Variants in ZNF385D observed in about 807,000 individuals in gnomAD.
ZNF385D encodes the protein zinc finger protein 385D.
ZNF385D carries 15 observed loss-of-function variants against 35.8 expected under a neutral mutation model. The ratio of observed to expected loss-of-function variants is 0.42; its 90% CI spans 0.28 to 0.64. ZNF385D has a LOEUF of 0.64. Ranked by LOEUF, ZNF385D falls within the 30% of genes least tolerant of loss-of-function variation. The probability of loss-of-function intolerance (pLI) is 0.23; values close to 1 mark genes in which losing one functional copy is unlikely to be tolerated. For missense variants in ZNF385D, 474 were observed against 494.6 expected (o/e 0.96, Z 0.39); for synonymous variants, 212 against 186.8 (o/e 1.13, Z -1.10).
At chr3:21,461,585 T>A (rs1254603898) in intron 4 of ZNF385D, among the ~76,000 whole-genome samples, 1 of 150,926 alleles carries the variant, frequency 6.6e-6, no homozygotes, top group African/African-American at 2.5e-5. Context: ...AATCTCCTCT[T>A]TGAAATTGTT....
intron 3 of ZNF385D, among the ~76,000 whole-genome samples, chr3:22,141,369 A>G (rs749080910): frequency 3.9e-5 from 6 of 152,226 alleles, no homozygotes; most frequent in African/African-American, 7.2e-5. Context: ...ACAAAAATAC[A>G]TAACTTCATT....
chr3:21,893,382 A>T (rs1698978800), intron 3 of ZNF385D, among the ~76,000 whole-genome samples: 1 of 152,220 alleles, frequency 6.6e-6, no homozygotes, highest in Non-Finnish European at 1.5e-5. Context: ...TGCCTTGCAC[A>T]GACAGCTTAT....
At chr3:21,702,442 G>T (rs1298405497) in intron 1 of ZNF385D, among the ~76,000 whole-genome samples, 1 of 152,190 alleles carries the variant, frequency 6.6e-6, no homozygotes, top group Non-Finnish European at 1.5e-5. Flanking sequence ...TTCCTCCTGG[G>T]CCTCCAGGCC....
intron 3 of ZNF385D, among the ~76,000 whole-genome samples, chr3:21,831,748 C>T (rs1695004058): frequency 1.3e-5 from 2 of 152,132 alleles, no homozygotes; most frequent in South Asian, 2.1e-4. Flanking sequence ...CTTCAAAAGC[C>T]ACAGTTGACT....
chr3:21,741,125 C>T (rs546636856), intron 1 of ZNF385D, among the ~76,000 whole-genome samples: 14 of 152,182 alleles, frequency 9.2e-5, no homozygotes, highest in African/African-American at 2.2e-4. Flanking sequence ...TATCACCTAT[C>T]GGCATCAGGG....
At chr3:21,615,667 T>C (rs2064824945) in intron 2 of ZNF385D, among the ~76,000 whole-genome samples, 1 of 152,178 alleles carries the variant, frequency 6.6e-6, no homozygotes, top group Admixed American at 6.5e-5. Flanking sequence ...TCAGTTGTCC[T>C]TTGCTTTATT....
At chr3:22,038,264 G>T (rs1252247543) in intron 3 of ZNF385D, among the ~76,000 whole-genome samples, 2 of 152,174 alleles carry the variant, frequency 1.3e-5, no homozygotes, top group Non-Finnish European at 2.9e-5. Flanking sequence ...ATGTGGTAGA[G>T]ATGGGCTCTT....
At chr3:22,331,672 T>C (rs1694941909) in intron 2 of ZNF385D, among the ~76,000 whole-genome samples, 2 of 152,134 alleles carry the variant, frequency 1.3e-5, no homozygotes, top group Non-Finnish European at 2.9e-5. Context: ...CAGTTAGAAA[T>C]AAGGACTAAA....
intron 3 of ZNF385D, among the ~76,000 whole-genome samples, chr3:21,806,407 G>A (rs1388682937): frequency 6.6e-6 from 1 of 151,960 alleles, no homozygotes; most frequent in East Asian, 1.9e-4. Context: ...GGGTTTCACC[G>A]TGTGAGCCAG....
At chr3:22,229,660 T>C (rs1046663313) in intron 2 of ZNF385D, among the ~76,000 whole-genome samples, 12 of 152,192 alleles carry the variant, frequency 7.9e-5, no homozygotes, top group African/African-American at 2.9e-4. Context: ...CTCAAGCCAC[T>C]CTTGGTCAAA....
At chr3:22,330,764 T>G (rs190946675) in intron 2 of ZNF385D, among the ~76,000 whole-genome samples, 212 of 152,312 alleles carry the variant, frequency 1.4e-3, no homozygotes, top group African/African-American at 4.8e-3. Context: ...GTTGAATGAA[T>G]TATTGAATAA....
chr3:21,525,395 T>C lies in ZNF385D; in HGVS notation c.277-14372A>G, dbSNP rs189387124. 3.3e-3 allele frequency among the ~76,000 whole-genome samples: 497 copies of C among 152,242 alleles called. 1 individual carries two copies. Among genetic ancestry groups the C allele is most frequent in the Non-Finnish European group, 5.5e-3 (377 of 67,992 alleles). On this transcript the variant is annotated intron_variant, in intron 3 of 7. Transcript: ENST00000281523. The stretch of plus-strand genomic sequence containing the variant: ...AAAAGTTTTCTCTAAGTAAGAATTA[T>C]TAAAATTTTGGGCCGGGCATGGTGG...
Position 21,750,549 on chromosome 3 carries a change from T to G in ZNF385D, c.22+346A>C, listed in dbSNP as rs148256154. 1.5e-3 allele frequency among the ~76,000 whole-genome samples: 226 copies of G among 152,274 alleles called. 1 individual carries two copies. Among genetic ancestry groups the G allele is most frequent in the African/African-American group, 4.8e-3 (198 of 41,544 alleles). On this transcript the variant is annotated intron_variant, in intron 1 of 7. Transcript: ENST00000281523. ...ATTGTATAGAAACTTTGTTTCACAT[T>G]CCATTAAGTTAGCTCATGACTTCCC...
At chr3:22,077,624 T>C (rs1037224344) in intron 3 of ZNF385D, among the ~76,000 whole-genome samples, 1 of 151,964 alleles carries the variant, frequency 6.6e-6, no homozygotes, top group Non-Finnish European at 1.5e-5. Context: ...ATCAAATAAA[T>C]ATTTGATGTT....
rs373435723 is a variant in ZNF385D at position 21,543,898 on chromosome 3, A to G, written c.276+20676T>C. Reference sequence around the variant, plus strand: ...TGTAACTGGTGGCAAGGCTTTGTTTAGCAATCCTGCCTTAGGAAGTAAGTT... The same window carrying G: ...TGTAACTGGTGGCAAGGCTTTGTTTGGCAATCCTGCCTTAGGAAGTAAGTT... On this transcript the variant is annotated intron_variant, in intron 3 of 7. Transcript: ENST00000281523. Among the ~76,000 whole-genome samples, 8 of 152,286 alleles carry G rather than the reference A, an allele frequency of 5.3e-5. No homozygotes were observed. In the East Asian group the frequency reaches 1.4e-3, roughly 26 times the overall value.
intron 3 of ZNF385D, among the ~76,000 whole-genome samples, chr3:21,956,616 G>T (rs911332496): frequency 2.0e-5 from 3 of 151,982 alleles, no homozygotes; most frequent in Admixed American, 2.0e-4. Flanking sequence ...AGAGGAATTT[G>T]TTCACAGTGG....
At chr3:21,952,115 G>A (rs1575995065) in intron 3 of ZNF385D, among the ~76,000 whole-genome samples, 1 of 148,596 alleles carries the variant, frequency 6.7e-6, no homozygotes, top group East Asian at 1.9e-4. Flanking sequence ...CCAGAATGTT[G>A]CCTTCAATTG....
At chr3:21,855,551 A>G (rs1055437316) in intron 3 of ZNF385D, among the ~76,000 whole-genome samples, 4 of 151,944 alleles carry the variant, frequency 2.6e-5, no homozygotes, top group African/African-American at 9.7e-5. Flanking sequence ...CATTAATCAG[A>G]ATCCATTAAA....
chr3:22,304,455 T>A (rs13078634), intron 2 of ZNF385D, among the ~76,000 whole-genome samples: 3 of 151,934 alleles, frequency 2.0e-5, no homozygotes, highest in African/African-American at 7.3e-5. Flanking sequence ...GTAAGGTATA[T>A]TAGAGACTTT....
Sources: gnomAD v4.1 joint callset for allele counts (sites outside exome capture counted in the v4.1 genomes callset) on GRCh38, gnomAD v4.1.1 for gene constraint, MANE v1.5 for transcripts, NCBI Gene and HGNC (gene_info 2026-07-23, HGNC 2026-07-21) for gene names.